SAMD12: variants seen among roughly 807,000 people sequenced by gnomAD.
SAMD12 encodes sterile alpha motif domain-containing protein 12.
In SAMD12, 9 loss-of-function variants were observed where a neutral mutation model predicts 15.0. That is an observed-to-expected ratio of 0.60 (90% CI 0.36 to 1.05). The LOEUF is 1.05. Among genes scored for constraint, SAMD12 ranks in the 50% least tolerant of loss-of-function variants. The pLI, the probability that SAMD12 is intolerant of heterozygous loss-of-function variation, is 0.01. For missense variants in SAMD12, 230 were observed against 234.2 expected (o/e 0.98, Z 0.12); for synonymous variants, 86 against 90.1 (o/e 0.96, Z 0.25).
intron 4 of SAMD12, among the ~76,000 whole-genome samples, chr8:118,318,358 A>C: frequency 8.0e-6 from 1 of 124,894 alleles, no homozygotes; most frequent in Non-Finnish European, 1.7e-5. Context: ...ATATATATAC[A>C]TATATACCAT....
intron 2 of SAMD12, among the ~76,000 whole-genome samples, chr8:118,517,770 G>T (rs1392517746): frequency 1.3e-5 from 2 of 152,178 alleles, no homozygotes; most frequent in Non-Finnish European, 2.9e-5. Context: ...CTTTGCTTTT[G>T]AATGGGTGAG....
chr8:118,300,322 C>T (rs1261814628), intron 4 of SAMD12, among the ~76,000 whole-genome samples: 1 of 152,222 alleles, frequency 6.6e-6, no homozygotes, highest in East Asian at 1.9e-4. Context: ...CTTCTTTTAC[C>T]ATTCCTAGTT....
At chr8:118,369,777 C>A (rs1217395197) in intron 4 of SAMD12, among the ~76,000 whole-genome samples, 1 of 151,762 alleles carries the variant, frequency 6.6e-6, no homozygotes, top group African/African-American at 2.4e-5. Flanking sequence ...ACAACAACAA[C>A]AACAAAAAAC....
At chr8:118,161,268 G>A in the SAMD12 span, among the ~76,000 whole-genome samples, 10 of 152,190 alleles carry the variant, frequency 6.6e-5, no homozygotes, top group African/African-American at 1.9e-4. Flanking sequence ...AGAAGAAAGC[G>A]AACTTTATCA....
At chr8:118,198,359 G>A (rs17507257) in intron 4 of SAMD12, among the ~76,000 whole-genome samples, 2 of 152,116 alleles carry the variant, frequency 1.3e-5, no homozygotes, top group African/African-American at 4.8e-5. Flanking sequence ...AAATATTAAT[G>A]TATTTTCCTG....
At chr8:118,139,677 C>T in the SAMD12 span, among the ~76,000 whole-genome samples, 3 of 152,128 alleles carry the variant, frequency 2.0e-5, no homozygotes, top group Non-Finnish European at 4.4e-5. Flanking sequence ...GGATTCCATT[C>T]TATCTGGCTA....
At chr8:118,255,787 C>T (rs1307131314) in intron 4 of SAMD12, among the ~76,000 whole-genome samples, 15 of 151,994 alleles carry the variant, frequency 9.9e-5, no homozygotes, top group Admixed American at 9.8e-4. Context: ...CAAGTCTTTG[C>T]TATTGTGAAT....
chr8:118,616,202 T>C (rs1323796333), intron 1 of SAMD12, among the ~76,000 whole-genome samples: 1 of 152,236 alleles, frequency 6.6e-6, no homozygotes, highest in African/African-American at 2.4e-5. Context: ...GGGAAACTTG[T>C]CCATCGTCTC....
At chr8:118,331,119 C>T (rs1816786881) in intron 4 of SAMD12, among the ~76,000 whole-genome samples, 1 of 152,138 alleles carries the variant, frequency 6.6e-6, no homozygotes, top group Non-Finnish European at 1.5e-5. Flanking sequence ...GAAAATCAAT[C>T]TGGTTTAGTA....
chr8:118,141,722 C>T, the SAMD12 span, among the ~76,000 whole-genome samples: 31 of 152,314 alleles, frequency 2.0e-4, no homozygotes, highest in South Asian at 3.5e-3. Context: ...AGATCTTAAA[C>T]AGAGCATCTT....
In SAMD12 at chr8:118,445,281, A is replaced by T. The variant is rs563144995; in HGVS notation, c.193-5320T>A. Among the ~76,000 whole-genome samples the T allele has an allele frequency of 2.0e-5, 3 of 152,310 alleles. No individual in the cohort carries two copies. The South Asian group carries it at 6.2e-4, about 32-fold the overall frequency. ...AAATGGTTAGCTCATAGAATACTTG[A>T]TATATGAATTAATTAATTTTAAAGT... On this transcript the variant is annotated intron_variant, in intron 2 of 3. Coordinates refer to ENST00000314727, the MANE Select transcript of SAMD12 (RefSeq NM_207506.3).
chr8:118,309,908 C>T (rs1005857255), intron 4 of SAMD12, among the ~76,000 whole-genome samples: 1 of 152,154 alleles, frequency 6.6e-6, no homozygotes, highest in African/African-American at 2.4e-5. Flanking sequence ...ATCCATGACA[C>T]AAAACAGACC....
At chr8:118,388,714 C>T (rs190947176) in intron 3 of SAMD12, among the ~76,000 whole-genome samples, 22 of 152,112 alleles carry the variant, frequency 1.4e-4, no homozygotes, top group African/African-American at 5.1e-4. Flanking sequence ...TTGCTGGGAT[C>T]GTTATGGCCA....
intron 2 of SAMD12, among the ~76,000 whole-genome samples, chr8:118,453,229 T>G (rs1722091305): frequency 6.6e-6 from 1 of 152,164 alleles, no homozygotes; most frequent in Admixed American, 6.5e-5. Context: ...TGGTCTGCTA[T>G]GCCAAGTATG....
At chr8:118,525,291 C>T (rs1219040811) in intron 2 of SAMD12, among the ~76,000 whole-genome samples, 1 of 152,188 alleles carries the variant, frequency 6.6e-6, no homozygotes, top group Non-Finnish European at 1.5e-5. Flanking sequence ...ACCAGGCCTT[C>T]CCTGGGGACT....
At chr8:118,267,722 T>A (rs974612453) in intron 4 of SAMD12, among the ~76,000 whole-genome samples, 1 of 151,864 alleles carries the variant, frequency 6.6e-6, no homozygotes, top group Non-Finnish European at 1.5e-5. Flanking sequence ...TGTGTGTGTG[T>A]GTGTGTGTGT....
chr8:118,168,075 C>T, the SAMD12 span, among the ~76,000 whole-genome samples: 65 of 152,304 alleles, frequency 4.3e-4, 2 homozygotes, highest in South Asian at 0.013. Context: ...CTCATGAAAT[C>T]TGATGAATTT....
intron 3 of SAMD12, among the ~76,000 whole-genome samples, chr8:118,389,139 A>G (rs1466369515): frequency 6.6e-6 from 1 of 152,252 alleles, no homozygotes; most frequent in Non-Finnish European, 1.5e-5. Context: ...AAAGCCTATC[A>G]TGGTGTAAGT....
intron 2 of SAMD12, among the ~76,000 whole-genome samples, chr8:118,566,723 GTT>G (rs1826862500): frequency 6.6e-6 from 1 of 152,154 alleles, no homozygotes; most frequent in East Asian, 1.9e-4. Flanking sequence ...CAGAGAGACT[GTT>G]CATCCAAGGG....
Sources: gnomAD v4.1 joint callset for allele counts (sites outside exome capture counted in the v4.1 genomes callset) on GRCh38, gnomAD v4.1.1 for gene constraint, MANE v1.5 for transcripts, NCBI Gene and HGNC (gene_info 2026-07-23, HGNC 2026-07-21) for gene names.